The following DAD1 variants were observed in gnomAD, a reference collection of about 807,000 sequenced individuals.
DAD1 encodes the protein defender against cell death 1.
In DAD1, 4 loss-of-function variants were observed where a neutral mutation model predicts 9.0. The observed-to-expected ratio is 0.44, with a 90% CI of 0.22 to 1.01. The LOEUF is 1.01. DAD1 is among the 50% of genes least tolerant of loss of function. DAD1 has a pLI of 0.24. For missense variants in DAD1, 119 were observed against 137.3 expected (o/e 0.87, Z 0.67); for synonymous variants, 60 against 62.5 (o/e 0.96, Z 0.19).
intron 1 of DAD1, among the ~76,000 whole-genome samples, chr14:22,587,731 T>C (rs1047527418): frequency 2.0e-5 from 3 of 151,606 alleles, no homozygotes; most frequent in Admixed American, 1.3e-4. Flanking sequence ...ACAGCACCAC[T>C]GTCACCAGAC....
intron 1 of DAD1, among the ~76,000 whole-genome samples, chr14:22,582,545 AAGC>A (rs1321885235): frequency 6.6e-6 from 1 of 152,076 alleles, no homozygotes; most frequent in African/African-American, 2.4e-5. Flanking sequence ...AAATAAAAAG[AAGC>A]AGAAGAATTA....
At chr14:22,574,126 A>C (rs778660161) in intron 2 of DAD1, among the ~76,000 whole-genome samples, 15 of 152,218 alleles carry the variant, frequency 9.9e-5, no homozygotes, top group Non-Finnish European at 1.9e-4. Flanking sequence ...GCATGCATTC[A>C]TCAGTAAGCT....
intron 2 of DAD1, among the ~76,000 whole-genome samples, chr14:22,568,748 G>A (rs2037018115): frequency 1.3e-5 from 2 of 149,320 alleles, no homozygotes; most frequent in Admixed American, 1.3e-4. Context: ...TCAGGCTGGA[G>A]TGCAAGTGGC....
chr14:22,566,020 C>T (rs1470629537), intron 2 of DAD1, among the ~76,000 whole-genome samples: 1 of 152,210 alleles, frequency 6.6e-6, no homozygotes, highest in African/African-American at 2.4e-5. Context: ...AGGGCACTAC[C>T]TTATTTGGTA....
At chr14:22,579,840 C>CTTTTTT (rs34081969) in intron 1 of DAD1, among the ~76,000 whole-genome samples, 2 of 129,246 alleles carry the variant, frequency 1.5e-5, no homozygotes. Context: ...AAAGCCAATC[C>CTTTTTT]TTTTTTTTTT....
At chr14:22,584,345 C>T (rs2037137810) in intron 1 of DAD1, among the ~76,000 whole-genome samples, 1 of 152,052 alleles carries the variant, frequency 6.6e-6, no homozygotes, top group Non-Finnish European at 1.5e-5. Context: ...CCATATCTCT[C>T]TCACACACAC....
At chr14:22,576,673 CA>C (rs1292207594) in intron 1 of DAD1, among the ~76,000 whole-genome samples, 1 of 152,140 alleles carries the variant, frequency 6.6e-6, no homozygotes, top group Non-Finnish European at 1.5e-5. Context: ...AAGGGCACAA[CA>C]GTGAAAAGGC....
chr14:22,569,775 A>C (rs937692288), intron 2 of DAD1, among the ~76,000 whole-genome samples: 3 of 152,220 alleles, frequency 2.0e-5, no homozygotes, highest in African/African-American at 7.2e-5. Flanking sequence ...ATAAACAAGT[A>C]AAGTCATCAA....
chr14:22,587,476 T>C (rs2037161428), intron 1 of DAD1, among the ~76,000 whole-genome samples: 1 of 152,112 alleles, frequency 6.6e-6, no homozygotes. Context: ...AAAGGGGTAG[T>C]GTATCTGGTC....
intron 1 of DAD1, among the ~76,000 whole-genome samples, chr14:22,585,099 G>A (rs1273709900): frequency 2.0e-5 from 3 of 152,212 alleles, no homozygotes; most frequent in African/African-American, 7.2e-5. Flanking sequence ...CAAAAGAAAT[G>A]CTGGACCCCA....
Position 22,575,067 on chromosome 14 carries a change from A to G in DAD1, c.*36T>C, listed in dbSNP as rs2037067017. On this transcript the variant is annotated 3_prime_UTR_variant, in exon 2 of 3. Transcript: ENST00000250498. ...CTATGATCATCACTTACATTCTTTT[A>G]GTCTCCTACTCCTCAATTAAGTAAA... is the stretch of plus-strand genomic sequence containing the variant. The G allele has an allele frequency of 1.2e-5, 19 of 1,606,810 alleles. No individual in the cohort carries two copies. Among genetic ancestry groups the G allele is most frequent in the Non-Finnish European group, 1.4e-5 (17 of 1,175,182 alleles).
chr14:22,588,117 C>T (rs906031376), intron 1 of DAD1, among the ~76,000 whole-genome samples: 3 of 152,200 alleles, frequency 2.0e-5, no homozygotes, highest in Admixed American at 2.0e-4. Context: ...TGTGCCAAAG[C>T]TTTTACCATA....
intron 2 of DAD1, among the ~76,000 whole-genome samples, chr14:22,573,784 A>G (rs1452368216): frequency 6.6e-6 from 1 of 151,958 alleles, no homozygotes; most frequent in African/African-American, 2.4e-5. Flanking sequence ...TCAACTTACC[A>G]CTACCAAAAT....
At chr14:22,572,421 C>G (rs938131221) in intron 2 of DAD1, among the ~76,000 whole-genome samples, 1 of 152,054 alleles carries the variant, frequency 6.6e-6, no homozygotes, top group Non-Finnish European at 1.5e-5. Context: ...TAGTATAATT[C>G]AAATGAAGGA....
At chr14:22,576,025 CCA>C (rs1187678799) in intron 1 of DAD1, among the ~76,000 whole-genome samples, 1 of 152,082 alleles carries the variant, frequency 6.6e-6, no homozygotes, top group African/African-American at 2.4e-5. Context: ...TGGGATGCAG[CCA>C]CACAGAGCCA....
Position 22,589,079 on chromosome 14 carries a change from G to T in DAD1, c.79C>A (p.Leu27Met). Residue 27 changes from leucine to methionine, a missense_variant, in exon 1 of 3, where the codon CTG (leucine) becomes ATG (methionine). Transcript: ENST00000250498. ...LSSTPQRLKL[L>M]DAYLLYILLT... ...AGTATATACAGCAGGTACGCGTCCAGCAACTTCAGACGCTGCGGAGTGGAG... is the reference window on the plus strand; with the variant it reads ...AGTATATACAGCAGGTACGCGTCCATCAACTTCAGACGCTGCGGAGTGGAG... The T allele has an allele frequency of 6.2e-7, 1 of 1,614,228 alleles. No individual in the cohort carries two copies. Among genetic ancestry groups the T allele is most frequent in the Non-Finnish European group, 8.5e-7 (1 of 1,180,046 alleles).
In DAD1 at chr14:22,589,198, G is replaced by A. The variant is rs964733557; in HGVS notation, c.-41C>T. 2 of 1,604,344 alleles carry A rather than the reference G, an allele frequency of 1.2e-6. No homozygotes were observed. Among genetic ancestry groups the A allele is most frequent in the Middle Eastern group, 3.4e-4 (2 of 5,862 alleles). ...ACTCCGGTCCGCGCCCCAAACTCTTGGAGGACCCGTCGACCACACCGGATG... is the reference window on the plus strand; with the variant it reads ...ACTCCGGTCCGCGCCCCAAACTCTTAGAGGACCCGTCGACCACACCGGATG... On this transcript the variant is annotated 5_prime_UTR_variant, in exon 1 of 3. Transcript: ENST00000250498.
rs149244210 is a variant in DAD1, at chr14:22,588,028, G to A, written c.211+919C>T. On this transcript the variant is annotated intron_variant, in intron 1 of 2. Coordinates refer to ENST00000250498, the MANE Select transcript of DAD1 (RefSeq NM_001344.4). The stretch of plus-strand genomic sequence containing the variant: ...TGGGATTACAGGCATGAGCCACTGT[G>A]CCAGGCCTCCAGACAATTCCAATGC... Among the ~76,000 whole-genome samples the A allele has an allele frequency of 6.4e-4, 97 of 152,298 alleles. No individual in the cohort carries two copies. The East Asian group carries it at 6.6e-3, about 10-fold the overall frequency.
chr14:22,565,010 C>G lies in DAD1; in HGVS notation c.*172G>C. 1.5e-6 allele frequency: 1 copy of G among 664,334 alleles called. No homozygotes were observed. The highest frequency in any genetic ancestry group is 1.6e-5 in the South Asian group (1 of 61,672). The allele number at this position is 664,334 out of a possible 1,614,324, so 41.2% of individuals were successfully genotyped here. A position where few individuals can be genotyped will look rare whatever the true frequency, so the allele number is the denominator to read the frequency against. ...TTTGTTAGAAAGTTGTTCTGACACA[C>G]AGTGAACTCTGGGCTTTTCTCCTGC... On this transcript the variant is annotated 3_prime_UTR_variant, in exon 3 of 3. Coordinates refer to ENST00000250498, the MANE Select transcript of DAD1 (RefSeq NM_001344.4).
Sources: allele counts gnomAD v4.1 joint callset (sites outside exome capture counted in the v4.1 genomes callset), GRCh38; gene constraint gnomAD v4.1.1; transcripts MANE v1.5; gene names NCBI Gene and HGNC (gene_info 2026-07-23, HGNC 2026-07-21).